BBS4: variants seen among roughly 807,000 people sequenced by gnomAD.
BBS4 encodes Bardet-Biedl syndrome 4.
A neutral mutation model predicts 71.4 loss-of-function variants in BBS4; 58 were observed. The ratio of observed to expected loss-of-function variants is 0.81; its 90% CI spans 0.66 to 1.01. The LOEUF (loss-of-function observed/expected upper bound fraction) is 1.01, where lower values mean the gene tolerates loss of function less well. BBS4 is among the 50% of genes least tolerant of loss of function. The pLI, the probability that BBS4 is intolerant of heterozygous loss-of-function variation, is 0.00. For missense variants in BBS4, 660 were observed against 607.9 expected (o/e 1.09, Z -0.90); for synonymous variants, 228 against 216.8 (o/e 1.05, Z -0.46).
At chr15:72,687,123 A>ATTTTTTTTTTTTTTTTTTTTTTTTT (rs1491389178) in intron 1 of BBS4, among the ~76,000 whole-genome samples, 1 of 11,982 alleles carries the variant, frequency 8.3e-5, no homozygotes, top group Non-Finnish European at 2.7e-4. Context: ...GAAGACAGAA[A>ATTTTTTTTTTTTTTTTTTTTTTTTT]CTTTTTTTTT....
At chr15:72,694,790 T>A (rs1480743592) in intron 1 of BBS4, among the ~76,000 whole-genome samples, 1 of 152,030 alleles carries the variant, frequency 6.6e-6, no homozygotes, top group African/African-American at 2.4e-5. Flanking sequence ...GTGTAGATGA[T>A]CTCATAAGCT....
At chr15:72,699,345 A>G (rs1645055111) in intron 2 of BBS4, among the ~76,000 whole-genome samples, 1 of 152,020 alleles carries the variant, frequency 6.6e-6, no homozygotes, top group African/African-American at 2.4e-5. Context: ...AAGCCTCCCA[A>G]AGTTCTGGGA....
At chr15:72,690,105 G>A (rs1257178282) in intron 1 of BBS4, among the ~76,000 whole-genome samples, 2 of 152,096 alleles carry the variant, frequency 1.3e-5, no homozygotes, top group African/African-American at 2.4e-5. Context: ...ACTGTACCCA[G>A]CCTATAAATT....
In BBS4 at chr15:72,724,598, T is replaced by G. The variant is rs1341828921; in HGVS notation, c.530T>G (p.Ile177Ser). The change falls in exon 8 of 16, where the codon ATC becomes AGC. Residue 177 changes from isoleucine to serine, a missense_variant. By Grantham distance (142) the Ile-to-Ser change is moderately radical. Transcript: ENST00000268057. ...HDLTYIMLGKIHLLEGDLDKA... is the reference protein window; with the variant it reads ...HDLTYIMLGKSHLLEGDLDKA... ...CTGACTTATATAATGCTGGGGAAGA[T>G]CCACTTGCTGGAGGGAGACTTGGAC... 3 of 1,614,122 alleles carry G rather than the reference T, an allele frequency of 1.9e-6. No homozygotes were observed. The highest frequency in any genetic ancestry group is 8.5e-7 in the Non-Finnish European group (1 of 1,180,004).
chr15:72,686,345 G>T lies in BBS4; in HGVS notation c.24+94G>T, dbSNP rs776553327. On this transcript the variant is annotated intron_variant, in intron 1 of 15. Coordinates refer to ENST00000268057, the MANE Select transcript of BBS4 (RefSeq NM_033028.5). ...CATGCAGCGGTTCCTGGAGAGAGGC[G>T]GAGCTGGGTGCCGAGCGTCTCAGGG... 13 of 1,543,608 alleles carry T rather than the reference G, an allele frequency of 8.4e-6. 1 individual carries two copies. In the South Asian group the frequency reaches 1.5e-4, roughly 18 times the overall value.
At chr15:72,709,823 G>A in intron 3 of BBS4, 44 bp downstream of exon 3, 11 of 1,516,800 alleles carry the variant, frequency 7.3e-6, no homozygotes, top group South Asian at 2.2e-5. Flanking sequence ...CAGGATGTTG[G>A]GTAGGCAACT....
At chr15:72,721,404 A>C (rs1214574974) in intron 6 of BBS4, among the ~76,000 whole-genome samples, 1 of 152,142 alleles carries the variant, frequency 6.6e-6, no homozygotes, top group African/African-American at 2.4e-5. Context: ...TTGGGACAGG[A>C]TGATTAGTAC....
chr15:72,713,503 T>C (rs1194301988), intron 4 of BBS4, among the ~76,000 whole-genome samples: 2 of 152,236 alleles, frequency 1.3e-5, no homozygotes, highest in Non-Finnish European at 2.9e-5. Flanking sequence ...GAATACCTCC[T>C]GAAGGATCTG....
chr15:72,735,059 C>A, intron 12 of BBS4, 54 bp from the exon 13 acceptor site: 1 of 1,361,684 alleles, frequency 7.3e-7, no homozygotes, highest in Non-Finnish European at 1.1e-6. Flanking sequence ...GTCTTTAATA[C>A]TCCTTTTGTC....
intron 1 of BBS4, among the ~76,000 whole-genome samples, chr15:72,693,101 T>A (rs1567396723): frequency 6.6e-6 from 1 of 152,246 alleles, no homozygotes; most frequent in Non-Finnish European, 1.5e-5. Flanking sequence ...ATGTTGCTAC[T>A]ACAGGGACCA....
chr15:72,721,265 G>A (rs1180678645), intron 6 of BBS4, among the ~76,000 whole-genome samples: 1 of 152,126 alleles, frequency 6.6e-6, no homozygotes, highest in Non-Finnish European at 1.5e-5. Context: ...CGAGTGTGAC[G>A]ATGTGGGTAG....
At chr15:72,715,847 T>C (rs779268054) in intron 5 of BBS4, among the ~76,000 whole-genome samples, 106 of 152,240 alleles carry the variant, frequency 7.0e-4, no homozygotes, top group Non-Finnish European at 1.9e-4. Flanking sequence ...AAAATTGTTA[T>C]GTATTCAGTA....
rs971579270 is a variant in BBS4, at chr15:72,738,000, T to C, written c.*413T>C. 2.2e-6 allele frequency: 1 copy of C among 454,234 alleles called. No homozygotes were observed. The highest frequency in any genetic ancestry group is 4.4e-6 in the Non-Finnish European group (1 of 226,962). 28.1% of individuals were successfully genotyped at this position (454,234 alleles called of 1,614,324 possible). On this transcript the variant is annotated 3_prime_UTR_variant, in exon 16 of 16. Transcript: ENST00000268057. ...GCTCTGTGATGACAAAGCCTTGGTTTAACTGAGGTGATCCTCAGGTTGTGA... is the reference window on the plus strand; with the variant it reads ...GCTCTGTGATGACAAAGCCTTGGTTCAACTGAGGTGATCCTCAGGTTGTGA...
chr15:72,734,579 G>A (rs558690262), intron 12 of BBS4, among the ~76,000 whole-genome samples: 12 of 152,202 alleles, frequency 7.9e-5, no homozygotes, highest in Non-Finnish European at 1.8e-4. Context: ...GTGCCTGGTA[G>A]GAGTGAGTGC....
Position 72,737,647 on chromosome 15 carries a change from A to G in BBS4, c.*60A>G, listed in dbSNP as rs2065953049. Reference sequence around the variant, plus strand: ...TGGGCGAGGATGTGCTGGATTAGGAAAGGTGACATGACACAGGCAGAGCAG... The same window carrying G: ...TGGGCGAGGATGTGCTGGATTAGGAGAGGTGACATGACACAGGCAGAGCAG... On this transcript the variant is annotated 3_prime_UTR_variant, in exon 16 of 16. Coordinates refer to ENST00000268057, the MANE Select transcript of BBS4 (RefSeq NM_033028.5). 7.4e-7 allele frequency: 1 copy of G among 1,349,318 alleles called. No homozygotes were observed. Among genetic ancestry groups the G allele is most frequent in the Non-Finnish European group, 1.0e-6 (1 of 967,732 alleles). The allele number at this position is 1,349,318 out of a possible 1,614,324, so 83.6% of individuals were successfully genotyped here. A position where few individuals can be genotyped will look rare whatever the true frequency, so the allele number is the denominator to read the frequency against.
Position 72,735,878 on chromosome 15 carries a change from A to G in BBS4, c.1160A>G (p.Glu387Gly), listed in dbSNP as rs747239234. 6.2e-6 allele frequency: 10 copies of G among 1,613,874 alleles called. No individual in the cohort carries two copies. Among genetic ancestry groups the G allele is most frequent in the Non-Finnish European group, 8.5e-6 (10 of 1,179,790 alleles). The change falls in exon 14 of 16, where the codon GAG becomes GGG. Residue 387 changes from glutamate to glycine, a missense_variant. Physicochemically the swap from Glu to Gly is moderately conservative, Grantham distance 98. Coordinates refer to ENST00000268057, the MANE Select transcript of BBS4 (RefSeq NM_033028.5). ...NYAVLLYNQG[E>G]KKNALAQYQE... ...GCTGTGCTGCTGTACAACCAGGGCG[A>G]GAAGAAGAACGCCCTGGCCCAATAT...
chr15:72,719,263 ATT>A (rs34214646), intron 6 of BBS4, among the ~76,000 whole-genome samples: 6 of 140,936 alleles, frequency 4.3e-5, no homozygotes, highest in Admixed American at 2.1e-4. Context: ...TACTTTCTAA[ATT>A]TTTTTTTTTT....
intron 2 of BBS4, among the ~76,000 whole-genome samples, chr15:72,707,354 T>C (rs1312765697): frequency 6.6e-6 from 1 of 151,762 alleles, no homozygotes; most frequent in Non-Finnish European, 1.5e-5. Context: ...ATTTTTGTAT[T>C]TTTTTGTAGA....
At chr15:72,715,260 A>G in intron 4 of BBS4, 31 bp from the exon 5 acceptor site, 1 of 1,537,156 alleles carries the variant, frequency 6.5e-7, no homozygotes, top group Non-Finnish European at 9.0e-7. Context: ...ACATGGTTTT[A>G]CTTTTTTTTG....
Sources: gnomAD v4.1 joint callset for allele counts (sites outside exome capture counted in the v4.1 genomes callset) on GRCh38, gnomAD v4.1.1 for gene constraint, MANE v1.5 for transcripts, NCBI Gene and HGNC (gene_info 2026-07-23, HGNC 2026-07-21) for gene names.